SYNDIG1: variants seen among roughly 807,000 people sequenced by gnomAD.
SYNDIG1 encodes synapse differentiation inducing 1.
SYNDIG1 carries 9 observed loss-of-function variants against 19.4 expected under a neutral mutation model. The observed-to-expected ratio is 0.46, with a 90% CI of 0.28 to 0.81. SYNDIG1 has a LOEUF of 0.81. Ranked by LOEUF, SYNDIG1 falls within the 30% of genes least tolerant of loss-of-function variation. The probability of loss-of-function intolerance (pLI) is 0.12; values close to 1 mark genes in which losing one functional copy is unlikely to be tolerated. For missense variants in SYNDIG1, 311 were observed against 343.3 expected (o/e 0.91, Z 0.74); for synonymous variants, 141 against 145.9 (o/e 0.97, Z 0.24).
At chr20:24,562,320 A>G (rs2057962130) in intron 2 of SYNDIG1, among the ~76,000 whole-genome samples, 2 of 152,126 alleles carry the variant, frequency 1.3e-5, no homozygotes. Flanking sequence ...ATGTGCCACC[A>G]TTGAGGGCAT....
chr20:24,553,829 T>C (rs1159013814), intron 2 of SYNDIG1, among the ~76,000 whole-genome samples: 1 of 152,232 alleles, frequency 6.6e-6, no homozygotes, highest in African/African-American at 2.4e-5. Flanking sequence ...AAGTAGTTTT[T>C]TTCCAATTCT....
intron 3 of SYNDIG1, among the ~76,000 whole-genome samples, chr20:24,605,584 T>A (rs1364757565): frequency 6.6e-6 from 1 of 152,232 alleles, no homozygotes; most frequent in Non-Finnish European, 1.5e-5. Context: ...CTTATGTATT[T>A]TTTTCCTCTG....
chr20:24,524,740 G>C (rs1366997133), intron 1 of SYNDIG1, among the ~76,000 whole-genome samples: 1 of 152,066 alleles, frequency 6.6e-6, no homozygotes, highest in African/African-American at 2.4e-5. Context: ...ATTTTAACGG[G>C]GTCTTGGAGA....
chr20:24,530,811 G>GTTTTTTTTT (rs374193810), intron 1 of SYNDIG1, among the ~76,000 whole-genome samples: 1 of 141,698 alleles, frequency 7.1e-6, no homozygotes, highest in African/African-American at 2.6e-5. Flanking sequence ...TGGGTTTTTT[G>GTTTTTTTTT]TTTTTTTTTT....
intron 1 of SYNDIG1, among the ~76,000 whole-genome samples, chr20:24,518,713 T>A (rs1600503490): frequency 1.3e-5 from 2 of 152,172 alleles, no homozygotes; most frequent in East Asian, 3.9e-4. Flanking sequence ...ACAAGGGCCC[T>A]AAGGCCATCA....
intron 1 of SYNDIG1, among the ~76,000 whole-genome samples, chr20:24,511,458 G>A (rs1483843654): frequency 8.5e-5 from 13 of 152,136 alleles, no homozygotes; most frequent in Non-Finnish European, 1.3e-4. Context: ...GAACTGATGG[G>A]CAGGGTGATT....
At chr20:24,508,233 T>TA (rs1294077924) in intron 1 of SYNDIG1, among the ~76,000 whole-genome samples, 1 of 127,930 alleles carries the variant, frequency 7.8e-6, no homozygotes, top group African/African-American at 3.0e-5. Context: ...TTTTTTTTTT[T>TA]TTTTTTTTTT....
chr20:24,665,501 G>C lies in SYNDIG1; in HGVS notation c.774G>C (p.Leu258=). The C allele has an allele frequency of 1.9e-6, 3 of 1,613,946 alleles. No homozygotes were observed. Among genetic ancestry groups the C allele is most frequent in the Non-Finnish European group, 2.5e-6 (3 of 1,179,964 alleles). ...LIAYLSKNNH[L] ...CCTACCTCTCCAAGAACAACCACCT[G>C]TGAGCTTCCTGCGAATGGAGGGGGA... Residue 258 remains leucine (L), a synonymous_variant, in exon 4 of 4, where the codon CTG becomes CTC. Coordinates refer to ENST00000376862, the MANE Select transcript of SYNDIG1 (RefSeq NM_024893.3).
intron 2 of SYNDIG1, among the ~76,000 whole-genome samples, chr20:24,552,340 G>C (rs2057721530): frequency 6.6e-6 from 1 of 152,062 alleles, no homozygotes; most frequent in Non-Finnish European, 1.5e-5. Flanking sequence ...AAGTTTTAGG[G>C]TACATGTGCA....
At chr20:24,529,930 T>C (rs1226446545) in intron 1 of SYNDIG1, among the ~76,000 whole-genome samples, 1 of 46,678 alleles carries the variant, frequency 2.1e-5, no homozygotes, top group Non-Finnish European at 4.4e-5. Flanking sequence ...GTATCAATGG[T>C]GGGGATAATG....
chr20:24,610,720 G>A (rs1273496143), intron 3 of SYNDIG1, among the ~76,000 whole-genome samples: 1 of 152,210 alleles, frequency 6.6e-6, no homozygotes, highest in African/African-American at 2.4e-5. Flanking sequence ...AGTCTGGAGG[G>A]AGGCAGAGCC....
At chr20:24,524,229 A>G (rs1555791462) in intron 1 of SYNDIG1, among the ~76,000 whole-genome samples, 1 of 152,204 alleles carries the variant, frequency 6.6e-6, no homozygotes, top group Non-Finnish European at 1.5e-5. Context: ...CTGCCAGCCC[A>G]TGTTCCTGTG....
At chr20:24,519,087 AT>A (rs1173757053) in intron 1 of SYNDIG1, among the ~76,000 whole-genome samples, 1 of 152,198 alleles carries the variant, frequency 6.6e-6, no homozygotes, top group Non-Finnish European at 1.5e-5. Context: ...AATGTGACTC[AT>A]TTTCTCATCA....
chr20:24,650,354 A>C (rs1014284994), intron 3 of SYNDIG1, among the ~76,000 whole-genome samples: 8 of 152,232 alleles, frequency 5.3e-5, no homozygotes, highest in Non-Finnish European at 7.3e-5. Flanking sequence ...TGCGCTAGAA[A>C]TAAATGGCCC....
chr20:24,590,554 T>A (rs1047562417), intron 3 of SYNDIG1, among the ~76,000 whole-genome samples: 1 of 152,010 alleles, frequency 6.6e-6, no homozygotes, highest in Non-Finnish European at 1.5e-5. Context: ...CAGGAGTGGC[T>A]GGGAATTTCA....
At chr20:24,519,394 T>G (rs2056955713) in intron 1 of SYNDIG1, among the ~76,000 whole-genome samples, 1 of 152,224 alleles carries the variant, frequency 6.6e-6, no homozygotes, top group Admixed American at 6.5e-5. Flanking sequence ...TGAGGTTTAG[T>G]AAAAACCAAT....
intron 2 of SYNDIG1, among the ~76,000 whole-genome samples, chr20:24,549,383 T>C (rs1425652753): frequency 6.6e-6 from 1 of 152,180 alleles, no homozygotes; most frequent in African/African-American, 2.4e-5. Context: ...TTGCTGCAAA[T>C]GACATAATTT....
At chr20:24,590,666 G>T (rs1283296539) in intron 3 of SYNDIG1, among the ~76,000 whole-genome samples, 1 of 152,118 alleles carries the variant, frequency 6.6e-6, no homozygotes, top group Non-Finnish European at 1.5e-5. Context: ...TGGACCAGGG[G>T]TTTCCTGCAG....
intron 2 of SYNDIG1, among the ~76,000 whole-genome samples, chr20:24,581,133 G>T (rs1209334736): frequency 3.3e-5 from 5 of 152,148 alleles, no homozygotes; most frequent in Non-Finnish European, 5.9e-5. Flanking sequence ...AAGCAGCCAT[G>T]TGCAAACCCA....
Sources: allele counts gnomAD v4.1 joint callset (sites outside exome capture counted in the v4.1 genomes callset), GRCh38; gene constraint gnomAD v4.1.1; transcripts MANE v1.5; gene names NCBI Gene and HGNC (gene_info 2026-07-23, HGNC 2026-07-21).